FARP1: variants seen among roughly 807,000 people sequenced by gnomAD.
FARP1 encodes the protein FERM, ARH/RhoGEF and pleckstrin domain protein 1.
A neutral mutation model predicts 128.8 loss-of-function variants in FARP1; 52 were observed. The ratio of observed to expected loss-of-function variants is 0.40; its 90% CI spans 0.32 to 0.51. The LOEUF (loss-of-function observed/expected upper bound fraction) is 0.51. Among genes scored for constraint, FARP1 ranks in the 20% least tolerant of loss-of-function variants. The probability of loss-of-function intolerance (pLI) is 0.45; values close to 1 mark genes in which losing one functional copy is unlikely to be tolerated. For synonymous variants in FARP1, 580 were observed against 551.8 expected (o/e 1.05, Z -0.72); for missense variants, 1,333 against 1,367.9 (o/e 0.97, Z 0.40).
intron 2 of FARP1, among the ~76,000 whole-genome samples, chr13:98,237,657 A>G (rs1222739655): frequency 6.6e-6 from 1 of 152,210 alleles, no homozygotes; most frequent in Admixed American, 6.5e-5. Context: ...GAATGACACT[A>G]TGGGACCCGT....
intron 2 of FARP1, among the ~76,000 whole-genome samples, chr13:98,253,859 T>G (rs1883466749): frequency 6.6e-6 from 1 of 152,210 alleles, no homozygotes; most frequent in Non-Finnish European, 1.5e-5. Flanking sequence ...GCAGAATTTC[T>G]GGGTTTGAGG....
chr13:98,426,471 C>T (rs1044091333), intron 17 of FARP1, among the ~76,000 whole-genome samples: 7 of 152,134 alleles, frequency 4.6e-5, no homozygotes, highest in African/African-American at 1.7e-4. Context: ...GCCTGGGCAA[C>T]AGAGCAAGAC....
intron 1 of FARP1, among the ~76,000 whole-genome samples, chr13:98,206,478 A>T (rs571061829): frequency 2.2e-4 from 33 of 152,298 alleles, no homozygotes; most frequent in African/African-American, 7.7e-4. Context: ...CGCCATTTTT[A>T]TCTGAGATCT....
intron 13 of FARP1, chr13:98,399,445 C>A (rs753121810): frequency 2.0e-4 from 30 of 152,208 alleles, no homozygotes; most frequent in Admixed American, 5.9e-4. Context: ...CTTTACCCAG[C>A]CTGCAGATCT....
At chr13:98,226,299 G>A (rs1259459720) in intron 2 of FARP1, among the ~76,000 whole-genome samples, 4 of 152,232 alleles carry the variant, frequency 2.6e-5, no homozygotes, top group Admixed American at 1.3e-4. Flanking sequence ...CTGTCTCTGC[G>A]GTCATCTTCA....
At chr13:98,224,276 C>G (rs1162153399) in intron 2 of FARP1, among the ~76,000 whole-genome samples, 3 of 152,034 alleles carry the variant, frequency 2.0e-5, no homozygotes, top group Admixed American at 1.3e-4. Context: ...GCCTGTAATC[C>G]CAGCACTTTG....
At chr13:98,302,741 G>T (rs999211609) in intron 2 of FARP1, among the ~76,000 whole-genome samples, 1 of 152,196 alleles carries the variant, frequency 6.6e-6, no homozygotes, top group East Asian at 1.9e-4. Context: ...GATTGAGGTC[G>T]ATGAGGTAGC....
chr13:98,221,403 C>T (rs1403490711), intron 2 of FARP1, among the ~76,000 whole-genome samples: 1 of 152,164 alleles, frequency 6.6e-6, no homozygotes, highest in African/African-American at 2.4e-5. Flanking sequence ...CCACAGCTGC[C>T]TGTGTAGTCT....
At chr13:98,148,681 A>C (rs991157114) in intron 1 of FARP1, among the ~76,000 whole-genome samples, 1 of 152,134 alleles carries the variant, frequency 6.6e-6, no homozygotes, top group African/African-American at 2.4e-5. Context: ...CAGTTTCTGC[A>C]TGTCTTAGAT....
chr13:98,271,346 G>T (rs1884379578), intron 2 of FARP1, among the ~76,000 whole-genome samples: 1 of 152,054 alleles, frequency 6.6e-6, no homozygotes, highest in South Asian at 2.1e-4. Context: ...TCTTAACGGT[G>T]GTGAGTCTTA....
At chr13:98,324,872 C>T (rs1887165135) in intron 2 of FARP1, among the ~76,000 whole-genome samples, 1 of 152,252 alleles carries the variant, frequency 6.6e-6, no homozygotes, top group Non-Finnish European at 1.5e-5. Flanking sequence ...TGACCTATGG[C>T]TTCTGACCTA....
chr13:98,428,550 G>A (rs13378468), intron 17 of FARP1, among the ~76,000 whole-genome samples: 3,488 of 152,244 alleles, frequency 0.023, 139 homozygotes, highest in African/African-American at 0.079. Context: ...AACTGACAGC[G>A]CAAAGCCCTC....
At chr13:98,273,858 C>A (rs1884504955) in intron 2 of FARP1, among the ~76,000 whole-genome samples, 2 of 152,144 alleles carry the variant, frequency 1.3e-5, no homozygotes, top group African/African-American at 4.8e-5. Flanking sequence ...GGGATTTGAA[C>A]CTAGGTTTGC....
intron 2 of FARP1, among the ~76,000 whole-genome samples, chr13:98,267,165 A>G (rs985355396): frequency 6.6e-5 from 10 of 152,198 alleles, no homozygotes; most frequent in African/African-American, 2.4e-4. Flanking sequence ...GGCCACCACT[A>G]TGTTTTTCTT....
chr13:98,150,114 C>T (rs553020493), intron 1 of FARP1, among the ~76,000 whole-genome samples: 8 of 151,920 alleles, frequency 5.3e-5, no homozygotes, highest in Admixed American at 2.6e-4. Context: ...TCTTGGCGCA[C>T]TGCAACCTCT....
At chr13:98,242,667 A>G (rs1371337824) in intron 2 of FARP1, among the ~76,000 whole-genome samples, 1 of 152,222 alleles carries the variant, frequency 6.6e-6, no homozygotes, top group Non-Finnish European at 1.5e-5. Flanking sequence ...ACAGAGCAAG[A>G]CCCTGTCTCA....
intron 1 of FARP1, among the ~76,000 whole-genome samples, chr13:98,145,447 C>G (rs1875458920): frequency 1.3e-5 from 2 of 152,198 alleles, no homozygotes; most frequent in South Asian, 4.1e-4. Flanking sequence ...TGTAGCCAGA[C>G]TTATCAAAGA....
intron 1 of FARP1, among the ~76,000 whole-genome samples, chr13:98,145,353 C>A (rs1031733203): frequency 1.3e-5 from 2 of 152,222 alleles, no homozygotes; most frequent in East Asian, 3.9e-4. Context: ...TTCTAATGCC[C>A]CCTTTCACAT....
Position 98,415,045 on chromosome 13 carries a change from G to A in FARP1, c.1826+3011G>A, listed in dbSNP as rs181234651. 7.2e-5 allele frequency among the ~76,000 whole-genome samples: 11 copies of A among 152,314 alleles called. No individual in the cohort carries two copies. In the East Asian group the frequency reaches 1.2e-3, roughly 16 times the overall value. On this transcript the variant is annotated intron_variant, in intron 16 of 26. Coordinates refer to ENST00000319562, the MANE Select transcript of FARP1 (RefSeq NM_005766.4). ...AAGTGCAGCGTGGCAGTGAGAGTCT[G>A]CCTTGTGAGGTCAGGAGCTCCTTCA...
Sources: allele counts gnomAD v4.1 joint callset (sites outside exome capture counted in the v4.1 genomes callset), GRCh38; gene constraint gnomAD v4.1.1; transcripts MANE v1.5; gene names NCBI Gene and HGNC (gene_info 2026-07-23, HGNC 2026-07-21).